The following MPZL2 variants were observed in gnomAD, a reference collection of about 807,000 sequenced individuals.
MPZL2 encodes the protein myelin protein zero like 2.
In MPZL2, 32 loss-of-function variants were observed where a neutral mutation model predicts 24.5. The ratio of observed to expected loss-of-function variants is 1.31; its 90% CI spans 0.99 to 1.76. The LOEUF (loss-of-function observed/expected upper bound fraction) is 1.76. Ranked by LOEUF, MPZL2 falls within the 40% of genes most tolerant of loss-of-function variation. MPZL2 has a pLI of 0.00. For missense variants in MPZL2, 304 were observed against 274.9 expected (o/e 1.11, Z -0.75); for synonymous variants, 92 against 97.9 (o/e 0.94, Z 0.36).
chr11:118,256,521 G>A (rs1208546790), intron 5 of MPZL2, among the ~76,000 whole-genome samples: 18 of 152,082 alleles, frequency 1.2e-4, no homozygotes, highest in Admixed American at 9.8e-4. Flanking sequence ...GTAGTGGCGC[G>A]CACCTGTGGT....
intron 5 of MPZL2, among the ~76,000 whole-genome samples, chr11:118,255,713 C>CT (rs34823008): frequency 0.57 from 86,311 of 151,816 alleles, 25,009 homozygotes; most frequent in South Asian, 0.74. Context: ...ACATTTACCC[C>CT]AATACTCCAG....
chr11:118,260,376 A>C (rs1286826918), intron 3 of MPZL2, among the ~76,000 whole-genome samples, 175 bp from the exon 4 acceptor site: 6 of 152,370 alleles, frequency 3.9e-5, no homozygotes, highest in African/African-American at 1.2e-4. Flanking sequence ...AACCATACAC[A>C]TACTTTAATG....
intron 4 of MPZL2, 111 bp from the exon 5 acceptor site, chr11:118,257,424 A>T: frequency 1.2e-6 from 1 of 822,034 alleles, no homozygotes; most frequent in South Asian, 1.6e-5. Flanking sequence ...GAAGAATTAC[A>T]TGCACTTGGG....
chr11:118,260,024 T>C, intron 4 of MPZL2, 30 bp downstream of exon 4: 2 of 1,613,012 alleles, frequency 1.2e-6, no homozygotes, highest in Non-Finnish European at 1.7e-6. Flanking sequence ...ATAAGAGTGT[T>C]AGAACTTTCC....
chr11:118,259,880 GC>G (rs1243059639), intron 4 of MPZL2, 173 bp downstream of exon 4: 11 of 667,964 alleles, frequency 1.6e-5, no homozygotes, highest in South Asian at 3.2e-5. Context: ...AATTAAGAAA[GC>G]TTTTGTAAAG....
chr11:118,256,200 G>A (rs1274833486), intron 5 of MPZL2, among the ~76,000 whole-genome samples: 2 of 152,120 alleles, frequency 1.3e-5, no homozygotes, highest in Non-Finnish European at 2.9e-5. Flanking sequence ...TGTAAAAAAT[G>A]TTCTCCCGTG....
At chr11:118,257,528 T>C (rs1265191403) in intron 4 of MPZL2, 2 of 412,530 alleles carry the variant, frequency 4.8e-6, no homozygotes. Context: ...TGTAAGGGAA[T>C]ACAGTTTGGG....
intron 4 of MPZL2, chr11:118,259,825 A>AC (rs71469166): frequency 0.18 from 74,354 of 411,084 alleles, 7,405 homozygotes; most frequent in Admixed American, 0.24. Context: ...TGTAAAATCA[A>AC]CCCCCCCACA....
chr11:118,258,841 C>A (rs1949679344), intron 4 of MPZL2, among the ~76,000 whole-genome samples: 1 of 152,094 alleles, frequency 6.6e-6, no homozygotes, highest in Non-Finnish European at 1.5e-5. Flanking sequence ...TCCCATTGTG[C>A]CTTCTGCCAT....
intron 3 of MPZL2, among the ~76,000 whole-genome samples, chr11:118,261,533 C>T (rs1051944680): frequency 2.6e-5 from 4 of 152,178 alleles, no homozygotes; most frequent in African/African-American, 4.8e-5. Context: ...CTGTTAAGTA[C>T]AATTCAGAGG....
At chr11:118,256,168 C>G (rs1949658526) in intron 5 of MPZL2, among the ~76,000 whole-genome samples, 1 of 152,104 alleles carries the variant, frequency 6.6e-6, no homozygotes, top group African/African-American at 2.4e-5. Flanking sequence ...AAATGTGACC[C>G]TCTTTGCAAC....
chr11:118,256,208 G>A (rs893233936), intron 5 of MPZL2, among the ~76,000 whole-genome samples: 7 of 152,000 alleles, frequency 4.6e-5, no homozygotes, highest in Non-Finnish European at 7.4e-5. Context: ...ATGTTCTCCC[G>A]TGTAACAGAG....
intron 3 of MPZL2, 24 bp from the exon 4 acceptor site, chr11:118,260,225 T>A (rs1034103612): frequency 1.9e-6 from 3 of 1,606,064 alleles, no homozygotes; most frequent in Non-Finnish European, 2.5e-6. Flanking sequence ...AAGATTAAAT[T>A]AGGATTCTAA....
intron 4 of MPZL2, 114 bp from the exon 5 acceptor site, chr11:118,257,427 C>T (rs537313970): frequency 1.2e-5 from 9 of 779,886 alleles, no homozygotes; most frequent in Middle Eastern, 2.3e-4. Flanking sequence ...GAATTACATG[C>T]ACTTGGGAGT....
intron 4 of MPZL2, chr11:118,259,358 C>A (rs901685545): frequency 2.0e-5 from 3 of 152,166 alleles, no homozygotes; most frequent in African/African-American, 7.2e-5. Flanking sequence ...ACTAATACAT[C>A]AACAAGGATG....
At position 118,263,062 on chromosome 11, in the gene MPZL2, A is replaced by G; in HGVS notation, c.94T>C (p.Ser32Pro). Residue 32 changes from serine to proline, a missense_variant, in exon 2 of 6, where the codon TCC becomes CCC. Transcript: ENST00000278937. ...CCATTAACAGCCTCCAGCACCCGGG[A>G]GGTATAAATTTCCACAGCTGCTATA... ...WPIAAVEIYT[S>P]RVLEAVNGTD... 1 of 1,614,128 alleles carries G rather than the reference A, an allele frequency of 6.2e-7. No individual in the cohort carries two copies. Among genetic ancestry groups the G allele is most frequent in the Non-Finnish European group, 8.5e-7 (1 of 1,179,984 alleles).
At chr11:118,258,511 A>G (rs1442111699) in intron 4 of MPZL2, among the ~76,000 whole-genome samples, 1 of 152,218 alleles carries the variant, frequency 6.6e-6, no homozygotes, top group Non-Finnish European at 1.5e-5. Flanking sequence ...AATGGACAAT[A>G]AGAACATGGG....
intron 1 of MPZL2, 25 bp downstream of exon 1, chr11:118,264,063 AGGAAACTC>A: frequency 6.2e-7 from 1 of 1,604,404 alleles, no homozygotes; most frequent in Non-Finnish European, 8.5e-7. Flanking sequence ...GCAGTGAAGG[AGGAAACTC>A]TGAGAGAAGC....
chr11:118,262,942 G>T lies in MPZL2; in HGVS notation c.214C>A (p.Pro72Thr), dbSNP rs558573449. The T allele has an allele frequency of 5.0e-6, 8 of 1,613,980 alleles. No homozygotes were observed. In the East Asian group the frequency reaches 6.7e-5, roughly 13 times the overall value. The part of the protein sequence containing the change: ...TWNFRPLDGG[P>T]EQFVFYYHID... ...GATAATCTACTTACAAACTGCTCAGGTCCCCCGTCTAGAGGACGAAAATTC... is the reference window on the plus strand; with the variant it reads ...GATAATCTACTTACAAACTGCTCAGTTCCCCCGTCTAGAGGACGAAAATTC... Residue 72 changes from proline (P) to threonine (T), a missense_variant, in exon 2 of 6, where the codon CCT becomes ACT. Coordinates refer to ENST00000278937, the MANE Select transcript of MPZL2 (RefSeq NM_005797.4).
Sources: allele counts gnomAD v4.1 joint callset (sites outside exome capture counted in the v4.1 genomes callset), GRCh38; gene constraint gnomAD v4.1.1; transcripts MANE v1.5; gene names NCBI Gene and HGNC (gene_info 2026-07-23, HGNC 2026-07-21).